SGF29: variants seen among roughly 807,000 people sequenced by gnomAD.
SGF29 encodes SAGA complex associated factor 29.
In SGF29, 15 loss-of-function variants were observed where a neutral mutation model predicts 38.1. That is an observed-to-expected ratio of 0.39 (90% CI 0.26 to 0.61). The LOEUF is 0.61. Ranked by LOEUF, SGF29 falls within the 20% of genes least tolerant of loss-of-function variation. SGF29 has a pLI of 0.49. For synonymous variants in SGF29, 151 were observed against 160.8 expected, an observed-to-expected ratio of 0.94 and a Z score of 0.46; for missense variants, 184 against 394.6, an observed-to-expected ratio of 0.47 and a Z score of 4.52.
At position 28,591,589 on chromosome 16, in the gene SGF29, G is replaced by C; in HGVS notation, c.766-1G>C. 6.2e-7 allele frequency: 1 copy of C among 1,610,130 alleles called. No homozygotes were observed. The highest frequency in any genetic ancestry group is 2.2e-5 in the East Asian group (1 of 44,864). On this transcript the variant is annotated splice_acceptor_variant, in intron 9 of 9. Transcript: ENST00000317058. LOFTEE classifies it high-confidence loss of function. ...GCCCCTCCTGTCTGCCTGCCCCACA[G>C]CCCCAGGATGACTACTCGGTCCTGT... is the stretch of plus-strand genomic sequence containing the variant.
intron 2 of SGF29, among the ~76,000 whole-genome samples, chr16:28,584,028 CTTTT>C (rs59285238): frequency 7.2e-6 from 1 of 137,968 alleles, no homozygotes; most frequent in Non-Finnish European, 1.6e-5. Context: ...TTAATGCCTT[CTTTT>C]TTTTTTTTTT....
intron 1 of SGF29, among the ~76,000 whole-genome samples, chr16:28,561,278 C>G (rs2046787905): frequency 6.6e-6 from 1 of 151,700 alleles, no homozygotes; most frequent in Non-Finnish European, 1.5e-5. Context: ...CGCCTGTAAT[C>G]CCAGTACTTT....
In SGF29 at chr16:28,556,788, T is replaced by C. The variant is rs147283972; in HGVS notation, c.-16+2691T>C. Among the ~76,000 whole-genome samples, 11 of 152,204 alleles carry C rather than the reference T, an allele frequency of 7.2e-5. No individual in the cohort carries two copies. In the East Asian group the frequency reaches 2.1e-3, roughly 29 times the overall value. The stretch of plus-strand genomic sequence containing the variant: ...CCTCCTGAGTAGCTAGGACTACACA[T>C]GTGCACCACCCTGCCCAGCTAATTA... On this transcript the variant is annotated intron_variant, in intron 1 of 9. Transcript: ENST00000317058.
intron 2 of SGF29, 98 bp downstream of exon 2, chr16:28,581,242 G>C: frequency 9.2e-7 from 1 of 1,086,506 alleles, no homozygotes; most frequent in Non-Finnish European, 1.4e-6. Context: ...GATTGGACTC[G>C]CAGGAACCAA....
Position 28,564,751 on chromosome 16 carries a change from ATATG to A in SGF29, c.-16+10658_-16+10661del, listed in dbSNP as rs1567286142. On this transcript the variant is annotated intron_variant, in intron 1 of 9. Transcript: ENST00000317058. ...TACATATATATGTATATATGTATAT[ATATG>A]TATATATGTATATATATGTATATAT... 1.1e-4 allele frequency among the ~76,000 whole-genome samples: 8 copies of A among 75,762 alleles called. No homozygotes were observed. In the Admixed American group the frequency reaches 1.3e-3, roughly 13 times the overall value. The allele number at this position is 75,762 out of a possible 152,430, so 49.7% of individuals were successfully genotyped here.
intron 1 of SGF29, among the ~76,000 whole-genome samples, chr16:28,568,707 G>A (rs1262355938): frequency 1.3e-5 from 2 of 152,126 alleles, no homozygotes; most frequent in Non-Finnish European, 2.9e-5. Context: ...GAGGTCAAGA[G>A]ATCGAGACCA....
At chr16:28,554,793 A>C (rs2046737475) in intron 1 of SGF29, among the ~76,000 whole-genome samples, 1 of 152,116 alleles carries the variant, frequency 6.6e-6, no homozygotes, top group South Asian at 2.1e-4. Flanking sequence ...CTCCACTAAA[A>C]AGGCTTCTTG....
At chr16:28,560,170 G>C (rs1369934157) in intron 1 of SGF29, among the ~76,000 whole-genome samples, 1 of 151,740 alleles carries the variant, frequency 6.6e-6, no homozygotes, top group Non-Finnish European at 1.5e-5. Context: ...AGTGGAGGTT[G>C]AGCTGAGATC....
intron 4 of SGF29, chr16:28,588,667 C>A: frequency 2.4e-6 from 1 of 418,134 alleles, no homozygotes; most frequent in Non-Finnish European, 4.7e-6. Context: ...CAGGTTCAAG[C>A]GATTCTCTTG....
At chr16:28,578,637 G>A (rs148415155) in intron 1 of SGF29, among the ~76,000 whole-genome samples, 3 of 150,966 alleles carry the variant, frequency 2.0e-5, no homozygotes, top group Middle Eastern at 3.4e-3. Context: ...TCCATTCATC[G>A]TGAATCTGAT....
chr16:28,561,811 C>T (rs971755295), intron 1 of SGF29, among the ~76,000 whole-genome samples: 2 of 152,148 alleles, frequency 1.3e-5, no homozygotes, highest in African/African-American at 4.8e-5. Context: ...GTGCAGTGTC[C>T]CCTCATCTGG....
intron 1 of SGF29, among the ~76,000 whole-genome samples, chr16:28,570,210 C>T (rs1273912915): frequency 1.3e-5 from 2 of 152,214 alleles, no homozygotes; most frequent in African/African-American, 4.8e-5. Context: ...CCCAGCAAAC[C>T]TGTACAGGCA....
Position 28,591,748 on chromosome 16 carries a change from G to A in SGF29, c.*42G>A. 6.8e-7 allele frequency: 1 copy of A among 1,461,002 alleles called. No homozygotes were observed. Among genetic ancestry groups the A allele is most frequent in the Non-Finnish European group, 9.6e-7 (1 of 1,044,034 alleles). The allele number at this position is 1,461,002 out of a possible 1,614,324, so 90.5% of individuals were successfully genotyped here. On this transcript the variant is annotated 3_prime_UTR_variant, in exon 10 of 10. Coordinates refer to ENST00000317058, the MANE Select transcript of SGF29 (RefSeq NM_138414.3). ...CGCCATCCCCCAACGACACAGGGCA[G>A]GACAGCAGAGGACGTGCTGGGATTA... is the stretch of plus-strand genomic sequence containing the variant.
At chr16:28,584,570 A>T (rs2046944153) in intron 2 of SGF29, among the ~76,000 whole-genome samples, 1 of 152,118 alleles carries the variant, frequency 6.6e-6, no homozygotes, top group Admixed American at 6.5e-5. Context: ...CAGGCGGATC[A>T]CGAGGTCAGG....
intron 1 of SGF29, among the ~76,000 whole-genome samples, chr16:28,567,618 A>G (rs139749065): frequency 8.5e-4 from 129 of 152,340 alleles, no homozygotes; most frequent in Non-Finnish European, 1.7e-3. Flanking sequence ...TGAACAAATC[A>G]TTAAGCACAG....
intron 1 of SGF29, among the ~76,000 whole-genome samples, chr16:28,576,924 G>T (rs994485059): frequency 7.9e-5 from 12 of 152,226 alleles, no homozygotes. Context: ...GGAGGCTGAG[G>T]CAGGTGGATC....
In SGF29 at chr16:28,584,900, C is replaced by G; in HGVS notation, c.76-13C>G. 1.9e-6 allele frequency: 3 copies of G among 1,611,658 alleles called. No individual in the cohort carries two copies. Among genetic ancestry groups the G allele is most frequent in the Non-Finnish European group, 2.5e-6 (3 of 1,178,494 alleles). ...AGGGCCACCGTCATGTCCTGCTGCT[C>G]TTTTCCTTACAGGAAGAGCGTTCGC... On this transcript the variant is annotated splice_polypyrimidine_tract_variant and intron_variant, in intron 2 of 9. Coordinates refer to ENST00000317058, the MANE Select transcript of SGF29 (RefSeq NM_138414.3).
chr16:28,583,576 T>G (rs1316983672), intron 2 of SGF29, among the ~76,000 whole-genome samples: 2 of 152,226 alleles, frequency 1.3e-5, no homozygotes, highest in African/African-American at 4.8e-5. Flanking sequence ...AGCATAGTCA[T>G]AATTTCTTTC....
intron 1 of SGF29, among the ~76,000 whole-genome samples, chr16:28,561,718 G>T (rs889052418): frequency 6.6e-6 from 1 of 152,122 alleles, no homozygotes; most frequent in Non-Finnish European, 1.5e-5. Context: ...CAGGGTTTGG[G>T]ACAGTTTTGT....
Sources: gnomAD v4.1 joint callset for allele counts (sites outside exome capture counted in the v4.1 genomes callset) on GRCh38, gnomAD v4.1.1 for gene constraint, MANE v1.5 for transcripts, NCBI Gene and HGNC (gene_info 2026-07-23, HGNC 2026-07-21) for gene names.